Variants in TSPEAR observed in about 807,000 individuals in gnomAD.
TSPEAR encodes the protein thrombospondin-type laminin G domain and EAR repeat-containing protein.
In TSPEAR, 69 loss-of-function variants were observed where a neutral mutation model predicts 71.6. The observed-to-expected ratio is 0.96, with a 90% CI of 0.79 to 1.18. The LOEUF (loss-of-function observed/expected upper bound fraction) is 1.18. Among genes scored for constraint, TSPEAR ranks in the 50% most tolerant of loss-of-function variants. TSPEAR has a pLI of 0.00. For missense variants in TSPEAR, 971 were observed against 894.9 expected, an observed-to-expected ratio of 1.09 and a Z score of -1.09; for synonymous variants, 402 against 387.2, an observed-to-expected ratio of 1.04 and a Z score of -0.45.
intron 1 of TSPEAR, chr21:44,575,308 G>A (rs1297498294): frequency 6.1e-5 from 27 of 441,886 alleles, no homozygotes; most frequent in Admixed American, 3.4e-4. Flanking sequence ...GCTCAGAGCC[G>A]CAGAGCCTTC....
chr21:44,573,616 G>C, intron 1 of TSPEAR: 10 of 1,391,332 alleles, frequency 7.2e-6, no homozygotes, highest in Non-Finnish European at 9.7e-6. Context: ...CAACAAGGAA[G>C]GGAGGGCTTG....
intron 1 of TSPEAR, chr21:44,601,844 G>A (rs659638): frequency 0.086 from 122,121 of 1,420,738 alleles, 9,891 homozygotes; most frequent in African/African-American, 0.4. Context: ...TGCAGTGGAC[G>A]TCAGTGGTCA....
intron 11 of TSPEAR, among the ~76,000 whole-genome samples, chr21:44,502,589 T>G (rs1049203323): frequency 6.6e-6 from 1 of 152,192 alleles, no homozygotes; most frequent in African/African-American, 2.4e-5. Context: ...ACAACTCCCA[T>G]GTTAGGATGT....
intron 1 of TSPEAR, chr21:44,677,470 A>G: frequency 2.4e-6 from 2 of 834,300 alleles, no homozygotes; most frequent in Non-Finnish European, 4.1e-6. Flanking sequence ...TTGGCTAGAG[A>G]CTCAGTTTTA....
At chr21:44,624,543 C>A (rs1555933998) in intron 1 of TSPEAR, among the ~76,000 whole-genome samples, 5 of 152,166 alleles carry the variant, frequency 3.3e-5, no homozygotes, top group Non-Finnish European at 5.9e-5. Flanking sequence ...TTCTGGGAGG[C>A]ACTTAGGCTA....
chr21:44,602,357 G>A (rs2146153187), intron 1 of TSPEAR, among the ~76,000 whole-genome samples: 1 of 152,326 alleles, frequency 6.6e-6, no homozygotes, highest in East Asian at 1.9e-4. Context: ...GATGGGAGAG[G>A]TGAGGGATCC....
chr21:44,640,238 A>T (rs1195422616), intron 1 of TSPEAR, among the ~76,000 whole-genome samples: 1 of 152,246 alleles, frequency 6.6e-6, no homozygotes, highest in East Asian at 1.9e-4. Flanking sequence ...AAAGGGATCA[A>T]ATACTGACAC....
chr21:44,711,178 G>A lies in TSPEAR; in HGVS notation c.82+255C>T, dbSNP rs558823072. On this transcript the variant is annotated intron_variant, in intron 1 of 11. Coordinates refer to ENST00000323084, the MANE Select transcript of TSPEAR (RefSeq NM_144991.3). The surrounding 1 kb of genome is among the most constrained non-coding windows in gnomAD (Gnocchi z 4.5). ...CCCCGGTGGCTGCTGGTTAGCTCTT[G>A]AAGCTCGTCCCCACCCTGCGTGCGT... Among the ~76,000 whole-genome samples the A allele has an allele frequency of 2.0e-5, 3 of 152,274 alleles. No homozygotes were observed. The South Asian group carries it at 6.2e-4, about 32-fold the overall frequency.
At position 44,551,315 on chromosome 21, in the gene TSPEAR, G is replaced by T. The variant is rs1377342949; in HGVS notation, c.303+16470C>A. On this transcript the variant is annotated intron_variant, in intron 2 of 11. Coordinates refer to ENST00000323084, the MANE Select transcript of TSPEAR (RefSeq NM_144991.3). ...AGGGGCTGGACACACAGCTCACTGG[G>T]GTGCAGACCAGGGTCAGGCAGGGGG... 2.5e-6 allele frequency: 4 copies of T among 1,613,234 alleles called. No homozygotes were observed. In the Admixed American group the frequency reaches 6.7e-5, roughly 27 times the overall value.
At chr21:44,503,292 G>C (rs587697733) in intron 11 of TSPEAR, among the ~76,000 whole-genome samples, 3 of 128,656 alleles carry the variant, frequency 2.3e-5, no homozygotes, top group Non-Finnish European at 1.7e-5. Context: ...GTGAGCCCTC[G>C]GGGGGAAGCA....
At chr21:44,706,170 G>A (rs1987903663) in intron 1 of TSPEAR, among the ~76,000 whole-genome samples, 1 of 152,204 alleles carries the variant, frequency 6.6e-6, no homozygotes, top group African/African-American at 2.4e-5. Context: ...CGGCGGCCTA[G>A]GCCAGGTAGA....
rs781960229 is a variant in TSPEAR at position 44,529,925 on chromosome 21, C to T, written c.663G>A (p.Pro221=). The change falls in exon 5 of 12, where the codon CCG becomes CCA. Residue 221 remains proline (P), a synonymous_variant. Transcript: ENST00000323084. ...MGLVRQLVLL[P]GSDATPRLCP... ...ACAGCCTTGGGGTGGCGTCTGAGCC[C>T]GGCAGCAGGACCAGTTGCCTCACCA... 4.5e-5 allele frequency: 72 copies of T among 1,607,992 alleles called. No homozygotes were observed. Among genetic ancestry groups the T allele is most frequent in the Non-Finnish European group, 5.2e-5 (61 of 1,178,688 alleles).
chr21:44,616,874 C>T (rs983812294), intron 1 of TSPEAR, among the ~76,000 whole-genome samples: 5 of 152,242 alleles, frequency 3.3e-5, no homozygotes, highest in African/African-American at 1.2e-4. Flanking sequence ...CTGACTTTTG[C>T]TTCTGGGGCC....
At chr21:44,591,731 G>A (rs1455022807) in intron 1 of TSPEAR, 1 of 1,595,862 alleles carries the variant, frequency 6.3e-7, no homozygotes, top group Non-Finnish European at 8.6e-7. Flanking sequence ...CTAGACTGCT[G>A]GCAGCATGAA....
intron 1 of TSPEAR, among the ~76,000 whole-genome samples, chr21:44,703,561 G>T (rs1987760556): frequency 6.6e-6 from 1 of 152,342 alleles, no homozygotes; most frequent in East Asian, 1.9e-4. Flanking sequence ...AGGTGGGCTG[G>T]GGTGGGGCCT....
At chr21:44,649,475 G>C (rs1252004804) in intron 1 of TSPEAR, among the ~76,000 whole-genome samples, 2 of 152,140 alleles carry the variant, frequency 1.3e-5, no homozygotes, top group Admixed American at 1.3e-4. Context: ...CTACCCACGT[G>C]TGCCAACAGC....
chr21:44,601,239 C>T (rs1569212945), intron 1 of TSPEAR: 2 of 1,598,252 alleles, frequency 1.3e-6, no homozygotes, highest in Non-Finnish European at 1.7e-6. Flanking sequence ...CCTGCACGCC[C>T]TCGTGCTGCC....
chr21:44,607,821 C>T (rs144790460), intron 1 of TSPEAR, among the ~76,000 whole-genome samples: 4 of 152,302 alleles, frequency 2.6e-5, no homozygotes, highest in African/African-American at 9.6e-5. Flanking sequence ...ACATGACACA[C>T]ACACCCCCTT....
chr21:44,691,002 T>C (rs1192607665), intron 1 of TSPEAR, among the ~76,000 whole-genome samples: 1 of 152,130 alleles, frequency 6.6e-6, no homozygotes, highest in African/African-American at 2.4e-5. Context: ...AAAACACAGC[T>C]TCTCTAATTT....
Sources: allele counts gnomAD v4.1 joint callset (sites outside exome capture counted in the v4.1 genomes callset), GRCh38; gene constraint gnomAD v4.1.1; non-coding constraint Gnocchi (gnomAD v3.1); transcripts MANE v1.5; gene names NCBI Gene and HGNC (gene_info 2026-07-23, HGNC 2026-07-21).